ARMCX4: variants seen among roughly 807,000 people sequenced by gnomAD.
The protein encoded by ARMCX4 is armadillo repeat-containing X-linked protein 4.
A neutral mutation model predicts 34.7 loss-of-function variants in ARMCX4; 3 were observed. The ratio of observed to expected loss-of-function variants is 0.09; its 90% CI spans 0.04 to 0.22. ARMCX4 has a LOEUF of 0.22. Ranked by LOEUF, ARMCX4 falls within the 10% of genes least tolerant of loss-of-function variation. The pLI, the probability that ARMCX4 is intolerant of heterozygous loss-of-function variation, is 1.00. For synonymous variants in ARMCX4, 513 were observed against 632.8 expected (o/e 0.81, Z 2.84); for missense variants, 1,448 against 1,720.8 (o/e 0.84, Z 2.81).
chrX:101,439,525 C>T (rs1482980770), intron 2 of ARMCX4, among the ~76,000 whole-genome samples: 1 of 111,615 alleles, frequency 9.0e-6, no homozygotes, highest in Non-Finnish European at 1.9e-5. Context: ...TGTTGGCCTG[C>T]CTTGCTAGAT....
Position 101,491,905 on chromosome X carries a change from A to T in ARMCX4, c.3316A>T (p.Ile1106Phe). Residue 1106 changes from isoleucine (I) to phenylalanine (F), a missense_variant, in exon 6 of 6, where the codon ATT (isoleucine) becomes TTT (phenylalanine). Physicochemically the swap from Ile to Phe is conservative, Grantham distance 21. Transcript: ENST00000423738. ...GAATGGGATTGGTGTTGAAGACTGG[A>T]TTGCTGCTGAGCGGTGGATCAAATT... The part of the protein sequence containing the change: ...YWNGIGVEDW[I>F]AAERWIKFRF... The T allele has an allele frequency of 8.6e-7, 1 of 1,156,253 alleles. No homozygotes were observed. Among genetic ancestry groups the T allele is most frequent in the South Asian group, 1.9e-5 (1 of 52,762 alleles).
intron 11 of ARMCX4, among the ~76,000 whole-genome samples, chrX:101,512,669 A>G (rs1381967032): frequency 9.2e-6 from 1 of 108,947 alleles, no homozygotes; most frequent in African/African-American, 3.3e-5. Flanking sequence ...AGATTTCAAG[A>G]TGGACTTGAG....
At position 101,489,560 on chromosome X, in the gene ARMCX4, T is replaced by G. The variant is rs1556007986; in HGVS notation, c.971T>G (p.Ile324Ser). 1 of 1,154,424 alleles carries G rather than the reference T, an allele frequency of 8.7e-7. No individual in the cohort carries two copies. The highest frequency in any genetic ancestry group is 1.8e-5 in the African/African-American group (1 of 56,021). The change falls in exon 6 of 6, where the codon ATT becomes AGT. Residue 324 changes from isoleucine (I) to serine (S), a missense_variant. Around this residue, in one of 2 missense-constraint regions of ARMCX4, gnomAD observed 1,343 missense variants for 1,540.7 expected, o/e 0.87. Transcript: ENST00000423738. ...ADTRASAQPQ[I>S]FAKTQTEAIP... ...ACGAGGGCTTCTGCTCAGCCTCAAA[T>G]TTTTGCCAAAACCCAGACTGAGGCC...
At chrX:101,527,881 C>A (rs1219166800) in intron 11 of ARMCX4, among the ~76,000 whole-genome samples, 7 of 111,690 alleles carry the variant, frequency 6.3e-5, no homozygotes, top group Non-Finnish European at 1.1e-4. Flanking sequence ...GACGGATTCA[C>A]AGCCGAATTC....
At chrX:101,433,149 T>C (rs1232056404) in intron 2 of ARMCX4, among the ~76,000 whole-genome samples, 4 of 107,313 alleles carry the variant, frequency 3.7e-5, no homozygotes, top group African/African-American at 6.7e-5. Flanking sequence ...TATACTCACA[T>C]ATACACATAT....
chrX:101,514,064 G>A (rs1250278494), intron 11 of ARMCX4, among the ~76,000 whole-genome samples: 3 of 111,295 alleles, frequency 2.7e-5, no homozygotes, highest in Non-Finnish European at 5.7e-5. Flanking sequence ...CAGCAAATCT[G>A]TTCATTGCCT....
intron 4 of ARMCX4, among the ~76,000 whole-genome samples, chrX:101,465,591 A>G (rs1289813858): frequency 1.8e-5 from 2 of 112,279 alleles, no homozygotes; most frequent in African/African-American, 6.5e-5. Context: ...TAGTTTGTTC[A>G]TTATTATTGC....
chrX:101,496,158 G>T (rs181245823), downstream of ARMCX4, among the ~76,000 whole-genome samples: 3 of 110,770 alleles, frequency 2.7e-5, no homozygotes, highest in East Asian at 8.7e-4. Flanking sequence ...GAGAGAGTCA[G>T]GCAGTAGAGG....
chrX:101,482,174 C>T (rs193141008), upstream of ARMCX4, among the ~76,000 whole-genome samples: 5 of 110,760 alleles, frequency 4.5e-5, no homozygotes, highest in East Asian at 1.1e-3. Context: ...GTGGAGGTTG[C>T]GGTGAGCCAA....
intron 3 of ARMCX4, 133 bp downstream of exon 3, chrX:101,487,405 C>T: frequency 5.4e-6 from 1 of 185,220 alleles, no homozygotes; most frequent in South Asian, 6.8e-5. Context: ...GATTTCAGTG[C>T]AGGAAATGAT....
intron 4 of ARMCX4, among the ~76,000 whole-genome samples, chrX:101,470,205 T>A (rs1440681062): frequency 8.9e-6 from 1 of 112,894 alleles, no homozygotes; most frequent in Non-Finnish European, 1.9e-5. Flanking sequence ...CACTTTCTGA[T>A]TTTTATCACC....
Position 101,493,368 on chromosome X carries a change from T to C in ARMCX4, c.4779T>C (p.Thr1593=), listed in dbSNP as rs1048468637. ...TCTGGCCTGGTGCTGGGGACCAGAC[T>C]GGTGGAGGCTCCAGGCCAGGGTCTG... The part of the protein sequence containing the change: ...GGFWPGAGDQ[T]GGGSRPGSED... The change falls in exon 6 of 6, where the codon ACT becomes ACC. Residue 1593 remains threonine (T), a synonymous_variant. Transcript: ENST00000423738. 1.1e-5 allele frequency: 13 copies of C among 1,152,345 alleles called. No homozygotes were observed. The highest frequency in any genetic ancestry group is 1.5e-5 in the Non-Finnish European group (13 of 872,097). The allele number at this position is 1,152,345 out of a possible 1,213,427, so 95.0% of individuals were successfully genotyped here. A position where few individuals can be genotyped will look rare whatever the true frequency, so the allele number is the denominator to read the frequency against.
chrX:101,488,728 A>G lies in ARMCX4; in HGVS notation c.139A>G (p.Met47Val), dbSNP rs907805922. 6 of 1,154,145 alleles carry G rather than the reference A, an allele frequency of 5.2e-6. No homozygotes were observed. The highest frequency in any genetic ancestry group is 6.9e-6 in the Non-Finnish European group (6 of 872,459). Reference sequence around the variant, plus strand: ...TGCCAGAAATGGATCCACAGTTAAGATGGAGACTGTGGTTGGGGTACAGAG... The same window carrying G: ...TGCCAGAAATGGATCCACAGTTAAGGTGGAGACTGTGGTTGGGGTACAGAG... The part of the protein sequence containing the change: ...TLARNGSTVK[M>V]ETVVGVQSQT... Residue 47 changes from methionine (M) to valine (V), a missense_variant, in exon 6 of 6, where the codon ATG (methionine) becomes GTG (valine). Physicochemically the swap from Met to Val is conservative, Grantham distance 21. Around this residue, in one of 2 missense-constraint regions of ARMCX4, gnomAD observed 1,343 missense variants for 1,540.7 expected, o/e 0.87. Coordinates refer to ENST00000423738, the MANE Select transcript of ARMCX4 (RefSeq NM_001256155.3).
chrX:101,453,089 G>A (rs1932080762), intron 4 of ARMCX4, among the ~76,000 whole-genome samples: 1 of 110,840 alleles, frequency 9.0e-6, no homozygotes, highest in South Asian at 3.9e-4. Context: ...CAACTAGTGA[G>A]TGGAACAGGA....
At chrX:101,515,831 T>C (rs782753618) in intron 11 of ARMCX4, among the ~76,000 whole-genome samples, 1 of 110,351 alleles carries the variant, frequency 9.1e-6, no homozygotes, top group East Asian at 2.9e-4. Context: ...CGTGAGCCAC[T>C]GTGCATGGCC....
rs1556008323 is a variant in ARMCX4 at position 101,490,249 on chromosome X, G to T, written c.1660G>T (p.Val554Phe). The change falls in exon 6 of 6, where the codon GTC (valine) becomes TTC (phenylalanine). Residue 554 changes from valine (V) to phenylalanine (F), a missense_variant. Coordinates refer to ENST00000423738, the MANE Select transcript of ARMCX4 (RefSeq NM_001256155.3). ...MKTCTQPQAG[V>F]KTPAEALLDS... Reference sequence around the variant, plus strand: ...AACCTGTACACAACCTCAGGCTGGGGTCAAGACCCCAGCTGAGGCCTTGCT... The same window carrying T: ...AACCTGTACACAACCTCAGGCTGGGTTCAAGACCCCAGCTGAGGCCTTGCT... 3 of 1,153,334 alleles carry T rather than the reference G, an allele frequency of 2.6e-6. No individual in the cohort carries two copies. The South Asian group carries it at 5.7e-5, about 22-fold the overall frequency.
At position 101,503,901 on chromosome X, in the gene ARMCX4, A is replaced by G. The variant is rs1251722497; in HGVS notation, c.*1178-1036A>G. ...AATGGTAATGCCTAGGTTTTCTTCT[A>G]GGGTTTTTATGGTTTTAGGTCTAAT... On this transcript the variant is annotated intron_variant and NMD_transcript_variant, in intron 7 of 12. Coordinates refer to the ARMCX4 transcript ENST00000354842. Among the ~76,000 whole-genome samples, 4 of 110,866 alleles carry G rather than the reference A, an allele frequency of 3.6e-5. No individual in the cohort carries two copies. The South Asian group carries it at 1.1e-3, about 32-fold the overall frequency.
chrX:101,503,731 T>C (rs1418993978), intron 7 of ARMCX4, among the ~76,000 whole-genome samples: 2 of 111,518 alleles, frequency 1.8e-5, no homozygotes, highest in East Asian at 5.6e-4. Context: ...TCCCATTCTG[T>C]AGGTTGCCTG....
At chrX:101,470,849 T>C (rs1932884122) in intron 4 of ARMCX4, among the ~76,000 whole-genome samples, 1 of 111,932 alleles carries the variant, frequency 8.9e-6, no homozygotes, top group South Asian at 3.7e-4. Context: ...GAAGTGAACT[T>C]GTTGGGTTGT....
Sources: allele counts gnomAD v4.1 joint callset (sites outside exome capture counted in the v4.1 genomes callset), GRCh38; gene constraint gnomAD v4.1.1; regional missense constraint gnomAD v4.1.1; transcripts MANE v1.5; gene names NCBI Gene and HGNC (gene_info 2026-07-23, HGNC 2026-07-21).